Variants in DLG2 observed in about 807,000 individuals in gnomAD.
DLG2 encodes the protein discs large MAGUK scaffold protein 2.
DLG2 carries 45 observed loss-of-function variants against 132.5 expected under a neutral mutation model. The ratio of observed to expected loss-of-function variants is 0.34; its 90% CI spans 0.27 to 0.44. DLG2 has a LOEUF of 0.44. DLG2 is among the 20% of genes least tolerant of loss of function. The probability of loss-of-function intolerance (pLI) is 1.00; values close to 1 mark genes in which losing one functional copy is unlikely to be tolerated. For synonymous variants in DLG2, 424 were observed against 419.6 expected, an observed-to-expected ratio of 1.01 and a Z score of -0.13; for missense variants, 1,045 against 1,196.9, an observed-to-expected ratio of 0.87 and a Z score of 1.87.
At position 85,111,627 on chromosome 11, in the gene DLG2, T is replaced by C. The variant is rs767546011; in HGVS notation, c.357+34A>G. 6 of 1,498,182 alleles carry C rather than the reference T, an allele frequency of 4.0e-6. No homozygotes were observed. The South Asian group carries it at 6.3e-5, about 16-fold the overall frequency. 92.8% of individuals were successfully genotyped at this position (1,498,182 alleles called of 1,614,324 possible). A position where few individuals can be genotyped will look rare whatever the true frequency, so the allele number is the denominator to read the frequency against. ...TTCCAAAATATAAAAACATTTATCC[T>C]TCAATCTGCTAATCTTGGAATAATC... On this transcript the variant is annotated intron_variant, in intron 6 of 27. Coordinates refer to ENST00000376104, the MANE Select transcript of DLG2 (RefSeq NM_001142699.3).
intron 6 of DLG2, among the ~76,000 whole-genome samples, chr11:84,851,660 CT>C: frequency 6.6e-6 from 1 of 152,010 alleles, no homozygotes; most frequent in Middle Eastern, 3.4e-3. Flanking sequence ...AGGGTGTAGT[CT>C]TTCTGATTTT....
rs552243514 is a variant in DLG2, at chr11:83,475,090, G to A, written c.2294-2313C>T. On this transcript the variant is annotated intron_variant, in intron 22 of 27. Coordinates refer to ENST00000376104, the MANE Select transcript of DLG2 (RefSeq NM_001142699.3). ...AGCAATGGCAGCATCCCTTATGTCC[G>A]GGCCACCCCAATTCTCAAGACCTTG... is the stretch of plus-strand genomic sequence containing the variant. Among the ~76,000 whole-genome samples, 13 of 152,214 alleles carry A rather than the reference G, an allele frequency of 8.5e-5. No individual in the cohort carries two copies. The East Asian group carries it at 9.7e-4, about 11-fold the overall frequency.
chr11:85,492,797 C>A (rs187907566), intron 3 of DLG2, among the ~76,000 whole-genome samples: 4 of 151,506 alleles, frequency 2.6e-5, no homozygotes, highest in Non-Finnish European at 2.9e-5. Context: ...TGAACTTCTT[C>A]TAGCAGCTGA....
chr11:84,410,574 CTTTTTTT>C (rs367980167), intron 7 of DLG2, among the ~76,000 whole-genome samples: 7 of 109,096 alleles, frequency 6.4e-5, no homozygotes, highest in East Asian at 2.7e-4. Context: ...ACCACATAAA[CTTTTTTT>C]TTTTTTTTTT....
At chr11:84,976,279 T>C (rs1566555292) in intron 6 of DLG2, among the ~76,000 whole-genome samples, 1 of 152,172 alleles carries the variant, frequency 6.6e-6, no homozygotes, top group African/African-American at 2.4e-5. Flanking sequence ...TGGGGATAGA[T>C]GCAAAGAGAT....
intron 19 of DLG2, among the ~76,000 whole-genome samples, chr11:83,579,599 T>C (rs1162505903): frequency 1.3e-5 from 2 of 151,932 alleles, no homozygotes; most frequent in Non-Finnish European, 2.9e-5. Context: ...CATTTTAAGA[T>C]TGAAAAAAAC....
chr11:84,866,545 G>C (rs2084598845), intron 6 of DLG2, among the ~76,000 whole-genome samples: 2 of 152,182 alleles, frequency 1.3e-5, no homozygotes, highest in Admixed American at 6.5e-5. Flanking sequence ...GTCTTGTCTT[G>C]CTACTTACTG....
chr11:83,608,407 A>G (rs891772), intron 19 of DLG2, among the ~76,000 whole-genome samples: 6,739 of 152,092 alleles, frequency 0.044, 179 homozygotes, highest in South Asian at 0.11. Context: ...CTGAAATTCA[A>G]ATTACTCCAC....
At chr11:84,208,945 A>C (rs2096714408) in intron 8 of DLG2, among the ~76,000 whole-genome samples, 1 of 152,214 alleles carries the variant, frequency 6.6e-6, no homozygotes, top group Non-Finnish European at 1.5e-5. Context: ...ATAGTCAGAG[A>C]CATCAATATG....
chr11:85,201,945 G>C (rs1442752239), intron 4 of DLG2, among the ~76,000 whole-genome samples: 1 of 151,660 alleles, frequency 6.6e-6, no homozygotes, highest in African/African-American at 2.4e-5. Flanking sequence ...TGAATGAAAT[G>C]AAAAATGTAA....
Position 83,793,883 on chromosome 11 carries a change from C to T in DLG2, c.1723-7091G>A, listed in dbSNP as rs112383093. Among the ~76,000 whole-genome samples, 45 of 152,190 alleles carry T rather than the reference C, an allele frequency of 3.0e-4. 1 individual carries two copies. The highest frequency in any genetic ancestry group is 1.1e-3 in the African/African-American group (44 of 41,518). On this transcript the variant is annotated intron_variant, in intron 17 of 27. Transcript: ENST00000376104. ...ACAGAGTGCAATATATTAGTTACTT[C>T]ATGCTTTTTTTAAAAAGAGGAACAC...
intron 6 of DLG2, among the ~76,000 whole-genome samples, chr11:84,610,241 T>G (rs2099592959): frequency 6.6e-6 from 1 of 152,020 alleles, no homozygotes; most frequent in Non-Finnish European, 1.5e-5. Flanking sequence ...ATTTTATAAC[T>G]TTTCTATAAT....
intron 7 of DLG2, among the ~76,000 whole-genome samples, chr11:84,504,193 C>G (rs1043511255): frequency 4.6e-5 from 7 of 152,122 alleles, no homozygotes; most frequent in African/African-American, 1.4e-4. Context: ...AGATGTACAC[C>G]AAAGCCCAAG....
intron 6 of DLG2, among the ~76,000 whole-genome samples, chr11:84,936,379 C>A (rs1408302016): frequency 6.6e-6 from 1 of 151,998 alleles, no homozygotes; most frequent in Non-Finnish European, 1.5e-5. Flanking sequence ...TAACATGAAA[C>A]AAAAGCCTTA....
intron 6 of DLG2, among the ~76,000 whole-genome samples, chr11:84,680,440 C>G (rs2099725980): frequency 6.6e-6 from 1 of 152,140 alleles, no homozygotes; most frequent in Non-Finnish European, 1.5e-5. Context: ...CCTCATAATT[C>G]CAAGGTGAAT....
chr11:85,372,292 C>T (rs1310981729), intron 3 of DLG2, among the ~76,000 whole-genome samples: 1 of 152,200 alleles, frequency 6.6e-6, no homozygotes, highest in Non-Finnish European at 1.5e-5. Flanking sequence ...GGGCACCAGG[C>T]AGCCAAATCC....
chr11:85,393,440 C>A (rs114627426), intron 3 of DLG2, among the ~76,000 whole-genome samples: 3 of 151,954 alleles, frequency 2.0e-5, no homozygotes, highest in Non-Finnish European at 4.4e-5. Flanking sequence ...GTAAATCAAC[C>A]ATTTGATTCA....
At chr11:84,781,110 T>C (rs978219874) in intron 6 of DLG2, among the ~76,000 whole-genome samples, 14 of 150,970 alleles carry the variant, frequency 9.3e-5, no homozygotes, top group African/African-American at 3.2e-4. Context: ...GTAATTTCAA[T>C]CTAAGTTTGG....
At chr11:84,472,210 T>C (rs1199146514) in intron 7 of DLG2, among the ~76,000 whole-genome samples, 2 of 151,984 alleles carry the variant, frequency 1.3e-5, no homozygotes, top group Admixed American at 1.3e-4. Flanking sequence ...TGTGCCTGTA[T>C]ACATGTTTAA....
Sources: gnomAD v4.1 joint callset for allele counts (sites outside exome capture counted in the v4.1 genomes callset) on GRCh38, gnomAD v4.1.1 for gene constraint, MANE v1.5 for transcripts, NCBI Gene and HGNC (gene_info 2026-07-23, HGNC 2026-07-21) for gene names.